The following TRAK1 variants were observed in gnomAD, a reference collection of about 807,000 sequenced individuals.
TRAK1 encodes the protein trafficking kinesin-binding protein 1.
TRAK1 carries 33 observed loss-of-function variants against 92.1 expected under a neutral mutation model. That is an observed-to-expected ratio of 0.36 (90% CI 0.27 to 0.48). TRAK1 has a LOEUF of 0.48. Among genes scored for constraint, TRAK1 ranks in the 20% least tolerant of loss-of-function variants. The probability of loss-of-function intolerance (pLI) is 0.99; values close to 1 mark genes in which losing one functional copy is unlikely to be tolerated. For synonymous variants in TRAK1, 521 were observed against 517.3 expected (o/e 1.01, Z -0.10); for missense variants, 1,123 against 1,257.9 (o/e 0.89, Z 1.62).
chr3:42,211,183 CT>C (rs1708988284), intron 14 of TRAK1: 1 of 985,184 alleles, frequency 1.0e-6, no homozygotes, highest in Admixed American at 6.2e-5. Context: ...CAACACTCCC[CT>C]TGAAATACAG....
At chr3:42,182,545 G>A (rs1301688374) in intron 3 of TRAK1, among the ~76,000 whole-genome samples, 1 of 152,152 alleles carries the variant, frequency 6.6e-6, no homozygotes, top group East Asian at 1.9e-4. Flanking sequence ...CCAAAGTGCC[G>A]GGATTACGGG....
intron 2 of TRAK1, among the ~76,000 whole-genome samples, chr3:42,158,851 C>T (rs942977536): frequency 3.3e-5 from 5 of 149,288 alleles, no homozygotes; most frequent in East Asian, 1.9e-4. Flanking sequence ...CCCAGCTACT[C>T]GGGAGACTGA....
chr3:42,135,118 TTC>T (rs1483054118), intron 2 of TRAK1, among the ~76,000 whole-genome samples: 3 of 152,202 alleles, frequency 2.0e-5, no homozygotes, highest in Non-Finnish European at 4.4e-5. Context: ...ACCTCTCCAC[TTC>T]TTGTGTTTCA....
chr3:42,203,787 C>A (rs1483840546), intron 13 of TRAK1: 48 of 917,460 alleles, frequency 5.2e-5, no homozygotes, highest in Non-Finnish European at 6.1e-5. Context: ...CATTTTAATA[C>A]CACATATATA....
chr3:42,079,520 G>T (rs912559128), intron 1 of TRAK1, among the ~76,000 whole-genome samples: 11 of 121,650 alleles, frequency 9.0e-5, no homozygotes, highest in Non-Finnish European at 1.8e-4. Flanking sequence ...TTGCTGTCTT[G>T]CCCAGGCTGG....
intron 6 of TRAK1, among the ~76,000 whole-genome samples, chr3:42,190,827 C>T (rs1365070425): frequency 6.6e-6 from 1 of 151,846 alleles, no homozygotes; most frequent in African/African-American, 2.4e-5. Context: ...GAGTCTTGCT[C>T]TGTCACCCAC....
At chr3:42,210,085 CGGAGGAGGA>C (rs10634555) in intron 14 of TRAK1, 100 bp downstream of exon 14, 156 of 1,577,422 alleles carry the variant, frequency 9.9e-5, no homozygotes, top group Middle Eastern at 1.7e-4. Flanking sequence ...CCAGCGGCCA[CGGAGGAGGA>C]GGAGGAGGAG....
chr3:42,214,206 C>T (rs1709402434), intron 14 of TRAK1, among the ~76,000 whole-genome samples: 1 of 152,182 alleles, frequency 6.6e-6, no homozygotes, highest in Non-Finnish European at 1.5e-5. Context: ...GGTGTCTGAA[C>T]CTGACACCCT....
chr3:42,173,888 G>A lies in TRAK1; in HGVS notation c.287-2926G>A, dbSNP rs77374954. On this transcript the variant is annotated intron_variant, in intron 2 of 15. Coordinates refer to ENST00000327628, the MANE Select transcript of TRAK1 (RefSeq NM_001042646.3). ...ATCGGTGTTAGCTGCTACCTCTACC[G>A]AGAGTCTGTTATTTTGACATTTGCC... Among the ~76,000 whole-genome samples, 923 of 152,226 alleles carry A rather than the reference G, an allele frequency of 6.1e-3. 6 individuals are homozygous for A. Among genetic ancestry groups the A allele is most frequent in the African/African-American group, 0.021 (870 of 41,536 alleles).
chr3:42,115,230 T>C (rs1709020513), intron 1 of TRAK1, among the ~76,000 whole-genome samples: 1 of 152,332 alleles, frequency 6.6e-6, no homozygotes, highest in Non-Finnish European at 1.5e-5. Context: ...TTAGAATCAA[T>C]CTAACACTAA....
intron 2 of TRAK1, among the ~76,000 whole-genome samples, chr3:42,132,847 C>A (rs1576527896): frequency 6.6e-6 from 1 of 152,144 alleles, no homozygotes; most frequent in Non-Finnish European, 1.5e-5. Flanking sequence ...CCTCATGTAC[C>A]CACATACTGA....
chr3:42,216,286 A>G (rs1709678376), intron 14 of TRAK1, among the ~76,000 whole-genome samples: 1 of 152,116 alleles, frequency 6.6e-6, no homozygotes, highest in Admixed American at 6.5e-5. Flanking sequence ...GCATCCAGGG[A>G]GTAGGGGCCG....
chr3:42,086,362 G>A (rs1704677039), upstream of TRAK1, among the ~76,000 whole-genome samples: 1 of 149,708 alleles, frequency 6.7e-6, no homozygotes, highest in South Asian at 2.1e-4. Flanking sequence ...CTGGAGCCCA[G>A]TGGCATGATC....
chr3:42,203,811 A>ATATGTATTGTT, intron 13 of TRAK1: 1 of 838,710 alleles, frequency 1.2e-6, no homozygotes, highest in Non-Finnish European at 1.4e-6. Flanking sequence ...TTTATGTACT[A>ATATGTATTGTT]TATGTATATA....
chr3:42,202,566 C>A lies in TRAK1; in HGVS notation c.1558C>A (p.Gln520Lys). ...GGAGAGGAGGTTCTTTGAGGAGGAG[C>A]AAGAGAGGAAGCTCCAGGAGCTGGC... The part of the protein sequence containing the change: ...LSERRFFEEE[Q>K]ERKLQELAEK... Residue 520 changes from glutamine to lysine, a missense_variant, in exon 13 of 16, where the codon CAA becomes AAA. By Grantham distance (53) the Gln-to-Lys change is moderately conservative (BLOSUM62 1). Transcript: ENST00000327628. The surrounding 1 kb of genome is among the most constrained non-coding windows in gnomAD (Gnocchi z 6.1). 1 of 1,585,608 alleles carries A rather than the reference C, an allele frequency of 6.3e-7. No individual in the cohort carries two copies. The highest frequency in any genetic ancestry group is 8.6e-7 in the Non-Finnish European group (1 of 1,159,836).
chr3:42,196,105 T>A (rs921685540), intron 10 of TRAK1, among the ~76,000 whole-genome samples: 3 of 152,240 alleles, frequency 2.0e-5, no homozygotes, highest in Admixed American at 1.3e-4. Context: ...TTTTGAGGGA[T>A]TCTCAGCTTT....
intron 2 of TRAK1, among the ~76,000 whole-genome samples, chr3:42,135,611 G>A (rs758475568): frequency 1.3e-5 from 2 of 152,144 alleles, no homozygotes; most frequent in Non-Finnish European, 2.9e-5. Flanking sequence ...CTCATCCAGG[G>A]TATTTCCCAC....
chr3:42,013,268 G>GTT (rs1701376530), upstream of TRAK1, among the ~76,000 whole-genome samples: 3 of 152,180 alleles, frequency 2.0e-5, no homozygotes, highest in African/African-American at 7.2e-5. The surrounding 1 kb of genome is among the most constrained non-coding windows in gnomAD (Gnocchi z 5.1). Context: ...GGAACAGAAC[G>GTT]CCTGGACTTC....
At chr3:42,164,690 A>T (rs1701657550) in intron 2 of TRAK1, among the ~76,000 whole-genome samples, 1 of 152,084 alleles carries the variant, frequency 6.6e-6, no homozygotes, top group South Asian at 2.1e-4. Context: ...TTCCAGGGAG[A>T]GGAAATATCC....
Sources: gnomAD v4.1 joint callset for allele counts (sites outside exome capture counted in the v4.1 genomes callset) on GRCh38, gnomAD v4.1.1 for gene constraint, Gnocchi (gnomAD v3.1) non-coding constraint, MANE v1.5 for transcripts, NCBI Gene and HGNC (gene_info 2026-07-23, HGNC 2026-07-21) for gene names.